The following CNTNAP5 variants were observed in gnomAD, a reference collection of about 807,000 sequenced individuals.
CNTNAP5 encodes contactin associated protein family member 5, also known as contactin-associated protein-like 5.
Under a neutral mutation model 150.2 loss-of-function variants are expected in CNTNAP5, and 72 were observed. The ratio of observed to expected loss-of-function variants is 0.48; its 90% confidence interval spans 0.40 to 0.58. The LOEUF (loss-of-function observed/expected upper bound fraction) is 0.58. Ranked by LOEUF, CNTNAP5 falls within the 20% of genes least tolerant of loss-of-function variation. The probability of loss-of-function intolerance (pLI) is 0.00; values close to 1 mark genes in which losing one functional copy is unlikely to be tolerated. For synonymous variants in CNTNAP5, 672 were observed against 619.8 expected, an observed-to-expected ratio of 1.08 and a Z score of -1.25; for missense variants, 1,636 against 1,626.2, an observed-to-expected ratio of 1.01 and a Z score of -0.10.
At chr2:124,707,903 A>G (rs1330655270) in intron 13 of CNTNAP5, among the ~76,000 whole-genome samples, 1 of 152,196 alleles carries the variant, frequency 6.6e-6, no homozygotes, top group Non-Finnish European at 1.5e-5. Context: ...GTGACGACAA[A>G]TAACTTCATA....
At chr2:124,579,651 T>C (rs557662841) in intron 11 of CNTNAP5, among the ~76,000 whole-genome samples, 77 of 152,228 alleles carry the variant, frequency 5.1e-4, no homozygotes, top group Non-Finnish European at 9.6e-4. Flanking sequence ...AATGTTTGCA[T>C]GCAGCCTTCT....
rs1685515924 is a variant in CNTNAP5, at chr2:124,193,952, G to C, written c.83-27753G>C. 3.9e-5 allele frequency among the ~76,000 whole-genome samples: 6 copies of C among 152,212 alleles called. No individual in the cohort carries two copies. The South Asian group carries it at 1.2e-3, about 32-fold the overall frequency. ...CAGAAGTGAGACCCAGCAGGACCGGGTGTGAGCTGGTTTTATTGCTGTCCA... is the reference window on the plus strand; with the variant it reads ...CAGAAGTGAGACCCAGCAGGACCGGCTGTGAGCTGGTTTTATTGCTGTCCA... On this transcript the variant is annotated intron_variant, in intron 1 of 23. Transcript: ENST00000682447.
chr2:124,251,296 C>CT (rs2104779825), intron 3 of CNTNAP5, among the ~76,000 whole-genome samples: 1 of 151,752 alleles, frequency 6.6e-6, no homozygotes, highest in South Asian at 2.1e-4. Context: ...TCCCCCACCC[C>CT]CCCAAGTATT....
chr2:124,867,341 A>T (rs958755934), intron 20 of CNTNAP5, among the ~76,000 whole-genome samples: 1 of 152,154 alleles, frequency 6.6e-6, no homozygotes, highest in Non-Finnish European at 1.5e-5. Context: ...AATGTTGTTT[A>T]TATGCTTGTT....
intron 1 of CNTNAP5, among the ~76,000 whole-genome samples, chr2:124,093,662 A>G (rs1682866395): frequency 6.6e-6 from 1 of 152,208 alleles, no homozygotes; most frequent in Non-Finnish European, 1.5e-5. Flanking sequence ...CACAGCTGAT[A>G]TTTCATCTTG....
Position 124,734,352 on chromosome 2 carries a change from A to T in CNTNAP5, c.2078-12877A>T, listed in dbSNP as rs558430342. Reference sequence around the variant, plus strand: ...AGCATGAGAGAACGTTTGACACAGGAATTGGGACCTAGTGACTTTGTGTGT... The same window carrying T: ...AGCATGAGAGAACGTTTGACACAGGTATTGGGACCTAGTGACTTTGTGTGT... On this transcript the variant is annotated intron_variant, in intron 13 of 23. Transcript: ENST00000682447. Among the ~76,000 whole-genome samples the T allele has an allele frequency of 7.9e-5, 12 of 152,158 alleles. No individual in the cohort carries two copies. The South Asian group carries it at 2.5e-3, about 32-fold the overall frequency.
chr2:124,167,213 T>A (rs1684826321), intron 1 of CNTNAP5, among the ~76,000 whole-genome samples: 1 of 152,202 alleles, frequency 6.6e-6, no homozygotes, highest in Non-Finnish European at 1.5e-5. Flanking sequence ...TAAGTGATGT[T>A]CTCATGTTTG....
intron 19 of CNTNAP5, among the ~76,000 whole-genome samples, chr2:124,837,249 A>G (rs979504163): frequency 1.8e-4 from 28 of 152,270 alleles, no homozygotes; most frequent in African/African-American, 5.8e-4. Flanking sequence ...GGAAAATTCC[A>G]AAGTTAAAAC....
At chr2:124,909,366 G>T (rs913324104) in intron 22 of CNTNAP5, among the ~76,000 whole-genome samples, 5 of 152,116 alleles carry the variant, frequency 3.3e-5, no homozygotes, top group Non-Finnish European at 7.4e-5. Flanking sequence ...TATACTACAT[G>T]TACAGCCTAG....
rs566155081 is a variant in CNTNAP5 at position 124,807,357 on chromosome 2, G to T, written c.3217+9037G>T. Among the ~76,000 whole-genome samples, 12 of 152,248 alleles carry T rather than the reference G, an allele frequency of 7.9e-5. No homozygotes were observed. In the South Asian group the frequency reaches 2.5e-3, roughly 32 times the overall value. On this transcript the variant is annotated intron_variant, in intron 19 of 23. Transcript: ENST00000682447. ...GTCGGGGGATAGTTTCCAGCCTTAA[G>T]AATCCAGTTCAAATTCCTAACACCA...
chr2:124,913,146 A>C (rs1294286817), intron 23 of CNTNAP5, among the ~76,000 whole-genome samples: 2 of 152,064 alleles, frequency 1.3e-5, no homozygotes, highest in East Asian at 3.9e-4. Context: ...TTTCTGAAAT[A>C]GACACTTTTC....
At chr2:124,754,953 A>G (rs1212984497) in intron 14 of CNTNAP5, among the ~76,000 whole-genome samples, 1 of 152,154 alleles carries the variant, frequency 6.6e-6, no homozygotes, top group Non-Finnish European at 1.5e-5. Context: ...ATGAAAATAG[A>G]AAAAAAGAAC....
intron 1 of CNTNAP5, among the ~76,000 whole-genome samples, chr2:124,134,204 G>A (rs928595545): frequency 2.6e-5 from 4 of 152,050 alleles, no homozygotes; most frequent in East Asian, 1.9e-4. Context: ...TCAGGGGTTC[G>A]TTCCACTGGA....
chr2:124,332,894 GATTATAA>G (rs1340159124), intron 3 of CNTNAP5, among the ~76,000 whole-genome samples: 2 of 152,010 alleles, frequency 1.3e-5, no homozygotes, highest in African/African-American at 4.8e-5. Context: ...ATTTACCAAA[GATTATAA>G]ATCCACATAA....
At chr2:124,314,673 G>T (rs1016566278) in intron 3 of CNTNAP5, among the ~76,000 whole-genome samples, 3 of 151,914 alleles carry the variant, frequency 2.0e-5, no homozygotes, top group African/African-American at 7.3e-5. Context: ...ATATGAAAAA[G>T]AAAATAAAAA....
Position 124,524,440 on chromosome 2 carries a change from TA to T in CNTNAP5, c.1466del (p.Tyr489SerfsTer16). ...TWVQIYSGNS[Y>X]YFGGCPDNLT... Reference sequence around the variant, plus strand: ...GGTGCAGATTTATTCTGGAAATAGCTACTATTTTGGAGGTAAATTCTCCAGT... The same window carrying T: ...GGTGCAGATTTATTCTGGAAATAGCTCTATTTTGGAGGTAAATTCTCCAGT... On this transcript the variant is annotated frameshift_variant, in exon 9 of 24. Coordinates refer to ENST00000682447, the MANE Select transcript of CNTNAP5 (RefSeq NM_001367498.1). LOFTEE classifies it high-confidence loss of function. 1 of 1,611,808 alleles carries T rather than the reference TA, an allele frequency of 6.2e-7. No homozygotes were observed. Among genetic ancestry groups the T allele is most frequent in the Non-Finnish European group, 8.5e-7 (1 of 1,178,758 alleles).
At chr2:124,489,872 C>T (rs1693977004) in intron 7 of CNTNAP5, among the ~76,000 whole-genome samples, 1 of 152,122 alleles carries the variant, frequency 6.6e-6, no homozygotes, top group Non-Finnish European at 1.5e-5. Context: ...AGGAGCCTTC[C>T]AGTAAGTCCC....
chr2:124,753,388 C>T (rs921068876), intron 14 of CNTNAP5, among the ~76,000 whole-genome samples: 2 of 152,120 alleles, frequency 1.3e-5, no homozygotes, highest in Admixed American at 6.6e-5. Context: ...TTCTGTTAGA[C>T]AGATTTTTAC....
intron 1 of CNTNAP5, among the ~76,000 whole-genome samples, chr2:124,064,774 G>A (rs1682110663): frequency 6.6e-6 from 1 of 151,936 alleles, no homozygotes; most frequent in East Asian, 1.9e-4. Context: ...TTCAAATCTT[G>A]CTAATGCATG....
Sources: allele counts gnomAD v4.1 joint callset (sites outside exome capture counted in the v4.1 genomes callset), GRCh38; gene constraint gnomAD v4.1.1; transcripts MANE v1.5; gene names NCBI Gene and HGNC (gene_info 2026-07-23, HGNC 2026-07-21).